DPP3: variants seen among roughly 807,000 people sequenced by gnomAD.
DPP3 encodes the protein DPP III.
Under a neutral mutation model 89.8 loss-of-function variants are expected in DPP3, and 64 were observed. The observed-to-expected ratio is 0.71, with a 90% CI of 0.58 to 0.88. DPP3 has a LOEUF of 0.88. Ranked by LOEUF, DPP3 falls within the 40% of genes least tolerant of loss-of-function variation. The pLI is 0.00. For missense variants in DPP3, 835 were observed against 972.5 expected, an observed-to-expected ratio of 0.86 and a Z score of 1.88; for synonymous variants, 377 against 404.3, an observed-to-expected ratio of 0.93 and a Z score of 0.81.
Position 66,486,605 on chromosome 11 carries a change from C to A in DPP3, c.426C>A (p.Gly142=). The A allele has an allele frequency of 1.3e-6, 2 of 1,585,966 alleles. No individual in the cohort carries two copies. The highest frequency in any genetic ancestry group is 1.1e-5 in the South Asian group (1 of 87,396). The change falls in exon 4 of 18, where the codon GGC becomes GGA. Residue 142 remains glycine (G), a synonymous_variant. Coordinates refer to ENST00000531863, the MANE Select transcript of DPP3 (RefSeq NM_130443.4). ...AGCAGCACCCAGAAGAAGTCAGGGGCCTCTGGCAGACCTGCGGGGAGCTTA... is the reference window on the plus strand; with the variant it reads ...AGCAGCACCCAGAAGAAGTCAGGGGACTCTGGCAGACCTGCGGGGAGCTTA... The part of the protein sequence containing the change: ...AAQQHPEEVR[G]LWQTCGELMF...
Position 66,509,228 on chromosome 11 carries a change from G to T in DPP3, c.2191G>T (p.Glu731Ter). 6.2e-7 allele frequency: 1 copy of T among 1,612,974 alleles called. No individual in the cohort carries two copies. Among genetic ancestry groups the T allele is most frequent in the Non-Finnish European group, 8.5e-7 (1 of 1,179,530 alleles). ...ADARFWKGPS[E>*]APSGQA is the part of the protein sequence containing the mutation. ...TGCCCGATTCTGGAAGGGCCCCAGT[G>T]AGGCCCCATCTGGCCAAGCTTGAGG... Residue 731 changes from glutamate (E) to a stop codon, truncating the protein, a stop_gained, in exon 18 of 18, where the codon GAG (glutamate) becomes TAG (stop). Transcript: ENST00000531863. LOFTEE classifies it high-confidence loss of function.
intron 2 of DPP3, among the ~76,000 whole-genome samples, chr11:66,484,773 C>T (rs1855177363): frequency 6.6e-6 from 1 of 151,784 alleles, no homozygotes; most frequent in Non-Finnish European, 1.5e-5. Context: ...CTCTCCGGCT[C>T]TAACATGTGA....
chr11:66,487,808 T>C, intron 5 of DPP3, 106 bp from the exon 6 acceptor site: 1 of 1,021,482 alleles, frequency 9.8e-7, no homozygotes, highest in Non-Finnish European at 1.4e-6. Flanking sequence ...AGGCCCAGCC[T>C]GCTTTGCCTC....
At chr11:66,490,600 A>T (rs1191286149) in intron 6 of DPP3, among the ~76,000 whole-genome samples, 1 of 149,442 alleles carries the variant, frequency 6.7e-6, no homozygotes, top group Admixed American at 6.7e-5. Flanking sequence ...CTTGCTATCC[A>T]CTTAAGCTCT....
chr11:66,483,916 A>G (rs1381143558), intron 2 of DPP3, among the ~76,000 whole-genome samples: 1 of 152,104 alleles, frequency 6.6e-6, no homozygotes, highest in Non-Finnish European at 1.5e-5. Flanking sequence ...AAAAGAGCTA[A>G]TATCCGTGGA....
intron 16 of DPP3, among the ~76,000 whole-genome samples, chr11:66,500,522 G>C (rs1431006304): frequency 6.6e-6 from 1 of 152,182 alleles, no homozygotes; most frequent in Non-Finnish European, 1.5e-5. Context: ...AACTGCATAA[G>C]TTACAATTGA....
chr11:66,502,805 T>C (rs1480668408), intron 16 of DPP3, among the ~76,000 whole-genome samples: 1 of 152,068 alleles, frequency 6.6e-6, no homozygotes, highest in Non-Finnish European at 1.5e-5. Context: ...TTCACAGTGC[T>C]AGCCAGGATG....
chr11:66,497,129 T>C (rs529429074), intron 15 of DPP3, among the ~76,000 whole-genome samples, 169 bp from the exon 16 acceptor site: 1 of 152,184 alleles, frequency 6.6e-6, no homozygotes, highest in African/African-American at 2.4e-5. Context: ...GGGAGGAGAA[T>C]AAGCAGAAAA....
chr11:66,482,817 C>G (rs1006404554), intron 2 of DPP3, among the ~76,000 whole-genome samples: 8 of 152,234 alleles, frequency 5.3e-5, no homozygotes, highest in Non-Finnish European at 7.3e-5. Flanking sequence ...CAGTTCTTCT[C>G]TACCACACTG....
chr11:66,480,595 C>G (rs1855046146), intron 1 of DPP3, 130 bp downstream of exon 1: 2 of 1,123,306 alleles, frequency 1.8e-6, no homozygotes, highest in African/African-American at 3.3e-5. Context: ...TCACCCCGCC[C>G]TCGAGGCCAA....
At chr11:66,486,787 C>T in intron 4 of DPP3, 110 bp downstream of exon 4, 1 of 1,305,336 alleles carries the variant, frequency 7.7e-7, no homozygotes, top group South Asian at 1.8e-5. Context: ...CTGCCTCACA[C>T]TCCTGAGGCA....
At chr11:66,485,932 C>A (rs1246900641) in intron 3 of DPP3, among the ~76,000 whole-genome samples, 8 of 151,118 alleles carry the variant, frequency 5.3e-5, no homozygotes, top group Admixed American at 2.0e-4. Flanking sequence ...CTTTTCTTTT[C>A]TTTTCTTTTC....
chr11:66,508,819 C>T (rs1215639771), intron 17 of DPP3, among the ~76,000 whole-genome samples: 1 of 152,180 alleles, frequency 6.6e-6, no homozygotes, highest in Non-Finnish European at 1.5e-5. Flanking sequence ...GCCACCATGC[C>T]CAGCCTAAAT....
At chr11:66,491,468 G>T in intron 7 of DPP3, 26 bp from the exon 8 acceptor site, 1 of 1,597,250 alleles carries the variant, frequency 6.3e-7, no homozygotes, top group Non-Finnish European at 8.6e-7. Flanking sequence ...GGTGGCCCGA[G>T]GCTGACCGAC....
In DPP3 at chr11:66,491,760, A is replaced by T; in HGVS notation, c.988+4A>T. The T allele has an allele frequency of 6.2e-7, 1 of 1,613,774 alleles. No individual in the cohort carries two copies. Among genetic ancestry groups the T allele is most frequent in the East Asian group, 2.2e-5 (1 of 44,868 alleles). On this transcript the variant is annotated splice_donor_region_variant and intron_variant, in intron 9 of 17. Coordinates refer to ENST00000531863, the MANE Select transcript of DPP3 (RefSeq NM_130443.4). ...GGTTCCCGAGGAGAATTTGAAGGTA[A>T]CTTCCTCAGGGAGGAGGTCAGTCAC...
chr11:66,480,566 T>C (rs1477406319), intron 1 of DPP3, 101 bp downstream of exon 1: 12 of 1,308,272 alleles, frequency 9.2e-6, no homozygotes, highest in Non-Finnish European at 1.0e-5. Flanking sequence ...CTGCCCACTC[T>C]CCAGTACCCC....
At chr11:66,489,742 C>T (rs527287367) in intron 6 of DPP3, among the ~76,000 whole-genome samples, 230 of 152,314 alleles carry the variant, frequency 1.5e-3, no homozygotes, top group Admixed American at 8.6e-3. Flanking sequence ...GCTGGGAAGA[C>T]GACAGCTTGG....
intron 9 of DPP3, among the ~76,000 whole-genome samples, chr11:66,492,013 G>C (rs184603581): frequency 3.9e-5 from 6 of 152,192 alleles, no homozygotes; most frequent in Non-Finnish European, 7.3e-5. Flanking sequence ...GGGCACAGTT[G>C]GGGGGTGGCC....
In DPP3 at chr11:66,482,198, C is replaced by T. The variant is rs1855103441; in HGVS notation, c.-3C>T. On this transcript the variant is annotated 5_prime_UTR_variant, in exon 2 of 18. Transcript: ENST00000531863. ...ATGACAGTGATGGTTCTCAGCAGGG[C>T]CCATGGCGGACACCCAGTACATCCT... is the stretch of plus-strand genomic sequence containing the variant. 1 of 1,613,858 alleles carries T rather than the reference C, an allele frequency of 6.2e-7. No individual in the cohort carries two copies. Among genetic ancestry groups the T allele is most frequent in the Admixed American group, 1.7e-5 (1 of 59,990 alleles).
Sources: gnomAD v4.1 joint callset for allele counts (sites outside exome capture counted in the v4.1 genomes callset) on GRCh38, gnomAD v4.1.1 for gene constraint, MANE v1.5 for transcripts, NCBI Gene and HGNC (gene_info 2026-07-23, HGNC 2026-07-21) for gene names.